KCNJ6: variants seen among roughly 807,000 people sequenced by gnomAD.
KCNJ6 encodes the protein potassium inwardly rectifying channel subfamily J member 6, also known as G protein-activated inward rectifier potassium channel 2.
KCNJ6 carries 9 observed loss-of-function variants against 34.2 expected under a neutral mutation model. The observed-to-expected ratio is 0.26, with a 90% confidence interval of 0.16 to 0.46. KCNJ6 has a LOEUF of 0.46. Ranked by LOEUF, KCNJ6 falls within the 20% of genes least tolerant of loss-of-function variation. KCNJ6 has a pLI of 1.00. For missense variants in KCNJ6, 236 were observed against 531.3 expected (o/e 0.44, Z 5.46); for synonymous variants, 196 against 207.1 (o/e 0.95, Z 0.46).
intron 1 of KCNJ6, among the ~76,000 whole-genome samples, chr21:37,907,887 C>T (rs2055849344): frequency 6.6e-6 from 1 of 152,140 alleles, no homozygotes; most frequent in African/African-American, 2.4e-5. Flanking sequence ...GGATTATATC[C>T]CTTTTAAATT....
At chr21:37,739,412 AG>A (rs1290755993) in intron 2 of KCNJ6, among the ~76,000 whole-genome samples, 1 of 152,194 alleles carries the variant, frequency 6.6e-6, no homozygotes. Context: ...TTAAGTCAGA[AG>A]AAAAGGGCTG....
rs2054282701 is a variant in KCNJ6, at chr21:37,619,210, AAGG to A, written c.*5946_*5948del. The A allele has an allele frequency of 6.6e-6, 1 of 152,184 alleles. No individual in the cohort carries two copies. The highest frequency in any genetic ancestry group is 1.9e-4 in the East Asian group (1 of 5,200). The allele number at this position is 152,184 out of a possible 1,614,324, so 9.4% of individuals were successfully genotyped here. ...TGTTTTTCCATAGAACTAAAAAGAT[AAGG>A]AACCTAGCTTGGCTGACTACCTCTG... On this transcript the variant is annotated 3_prime_UTR_variant, in exon 4 of 4. Transcript: ENST00000609713.
intron 1 of KCNJ6, among the ~76,000 whole-genome samples, chr21:37,880,987 C>G (rs188331726): frequency 2.6e-5 from 4 of 152,142 alleles, no homozygotes; most frequent in Non-Finnish European, 5.9e-5. Flanking sequence ...ACAAGAAAAG[C>G]TCAAAGGGCA....
intron 1 of KCNJ6, among the ~76,000 whole-genome samples, chr21:37,904,278 T>C (rs190409800): frequency 2.0e-5 from 3 of 152,308 alleles, no homozygotes. Flanking sequence ...GTGGCCAAGA[T>C]AACCACTTTG....
At chr21:37,847,800 G>C (rs969824339) in intron 1 of KCNJ6, among the ~76,000 whole-genome samples, 1 of 149,268 alleles carries the variant, frequency 6.7e-6, no homozygotes, top group Admixed American at 6.7e-5. Flanking sequence ...AGGAGGGGGA[G>C]AAACAGAATA....
intron 1 of KCNJ6, among the ~76,000 whole-genome samples, chr21:37,843,711 T>C (rs2055492125): frequency 6.6e-6 from 1 of 152,154 alleles, no homozygotes; most frequent in Non-Finnish European, 1.5e-5. Flanking sequence ...TCCAATGCCA[T>C]AGTGATGCAG....
chr21:37,682,183 C>T (rs1356895953), intron 3 of KCNJ6, among the ~76,000 whole-genome samples: 1 of 152,174 alleles, frequency 6.6e-6, no homozygotes, highest in Non-Finnish European at 1.5e-5. Context: ...AATAAAAAAT[C>T]ATTCCTTCCC....
intron 2 of KCNJ6, among the ~76,000 whole-genome samples, chr21:37,724,818 C>T (rs796476540): frequency 6.6e-6 from 1 of 152,064 alleles, no homozygotes; most frequent in Non-Finnish European, 1.5e-5. Flanking sequence ...TGTGGGACAA[C>T]TGATTGCCCT....
chr21:37,885,592 G>A (rs2055731409), intron 1 of KCNJ6, among the ~76,000 whole-genome samples: 1 of 152,226 alleles, frequency 6.6e-6, no homozygotes, highest in African/African-American at 2.4e-5. Context: ...AGCCCACATG[G>A]AGGGGACACG....
chr21:37,685,708 A>AAAGAATT (rs2054612107), intron 3 of KCNJ6, among the ~76,000 whole-genome samples: 1 of 136,236 alleles, frequency 7.3e-6, no homozygotes, highest in Non-Finnish European at 1.6e-5. Context: ...AAAAAAAAAA[A>AAAGAATT]TCTATCCTAT....
At chr21:37,684,024 T>C (rs777529658) in intron 3 of KCNJ6, among the ~76,000 whole-genome samples, 1 of 152,216 alleles carries the variant, frequency 6.6e-6, no homozygotes, top group Non-Finnish European at 1.5e-5. Flanking sequence ...ACTGAACTGG[T>C]CTCTAGTAAT....
chr21:37,859,531 A>ATATATATAT (rs1491433754), intron 1 of KCNJ6, among the ~76,000 whole-genome samples: 244 of 86,112 alleles, frequency 2.8e-3, no homozygotes, highest in Middle Eastern at 7.4e-3. Context: ...ATATATATAT[A>ATATATATAT]AAATACTTAA....
intron 1 of KCNJ6, among the ~76,000 whole-genome samples, chr21:37,853,087 AAAG>A (rs1416207515): frequency 6.6e-6 from 1 of 151,934 alleles, no homozygotes; most frequent in African/African-American, 2.4e-5. Context: ...AGGAGAAGAA[AAAG>A]AAGATGAGGC....
intron 1 of KCNJ6, among the ~76,000 whole-genome samples, chr21:37,900,989 T>C (rs2055814212): frequency 6.6e-6 from 1 of 152,150 alleles, no homozygotes; most frequent in Admixed American, 6.5e-5. Flanking sequence ...GTCTGTGCTA[T>C]ATTCTCCCCC....
intron 3 of KCNJ6, among the ~76,000 whole-genome samples, chr21:37,667,154 T>A (rs371679446): frequency 1.5e-4 from 6 of 39,068 alleles, no homozygotes; most frequent in South Asian, 1.5e-3. Context: ...CAATAAATAC[T>A]AAAAAAAAAA....
intron 3 of KCNJ6, among the ~76,000 whole-genome samples, chr21:37,679,174 C>G (rs1310782292): frequency 6.6e-6 from 1 of 152,162 alleles, no homozygotes; most frequent in East Asian, 1.9e-4. Flanking sequence ...ATCCTCCAGC[C>G]CCAGTCAAGC....
rs1347277587 is a variant in KCNJ6, at chr21:37,916,368, T to C, written c.-512A>G. On this transcript the variant is annotated 5_prime_UTR_variant, in exon 1 of 4. Coordinates refer to ENST00000609713, the MANE Select transcript of KCNJ6 (RefSeq NM_002240.5). Reference sequence around the variant, plus strand: ...GACCACGCAGAGAGACGTCATGAAATCCGCAGATTCAATGAATGCTACTCA... The same window carrying C: ...GACCACGCAGAGAGACGTCATGAAACCCGCAGATTCAATGAATGCTACTCA... 1.3e-5 allele frequency: 2 copies of C among 151,520 alleles called. No homozygotes were observed. Among genetic ancestry groups the C allele is most frequent in the Non-Finnish European group, 1.5e-5 (1 of 67,936 alleles). The allele number at this position is 151,520 out of a possible 1,614,324, so 9.4% of individuals were successfully genotyped here. A position where few individuals can be genotyped will look rare whatever the true frequency, so the allele number is the denominator to read the frequency against.
In KCNJ6 at chr21:37,613,602, C is replaced by T. The variant is rs922167909; in HGVS notation, c.*11557G>A. 6.6e-6 allele frequency: 1 copy of T among 151,418 alleles called. No homozygotes were observed. Among genetic ancestry groups the T allele is most frequent in the Non-Finnish European group, 1.5e-5 (1 of 67,480 alleles). The allele number at this position is 151,418 out of a possible 1,614,324, so 9.4% of individuals were successfully genotyped here. Reference sequence around the variant, plus strand: ...GTTTGGTGCTAAAAAAGTGAGCTCTCAAGCCATAAAAAGATATGAGGGAAA... The same window carrying T: ...GTTTGGTGCTAAAAAAGTGAGCTCTTAAGCCATAAAAAGATATGAGGGAAA... On this transcript the variant is annotated 3_prime_UTR_variant, in exon 4 of 4. Coordinates refer to ENST00000609713, the MANE Select transcript of KCNJ6 (RefSeq NM_002240.5).
rs78385159 is a variant in KCNJ6 at position 37,842,857 on chromosome 21, G to A, written c.-27-2148C>T. On this transcript the variant is annotated intron_variant, in intron 1 of 3. Transcript: ENST00000609713. The stretch of plus-strand genomic sequence containing the variant: ...CTCAGTGAAGTTGGTCCCAGAGCTT[G>A]TTCTGTCTCTGCGTGTCCTGTCAGT... Among the ~76,000 whole-genome samples the A allele has an allele frequency of 1.2e-4, 19 of 152,332 alleles. No homozygotes were observed. The East Asian group carries it at 3.7e-3, about 29-fold the overall frequency.
Sources: gnomAD v4.1 joint callset for allele counts (sites outside exome capture counted in the v4.1 genomes callset) on GRCh38, gnomAD v4.1.1 for gene constraint, MANE v1.5 for transcripts, NCBI Gene and HGNC (gene_info 2026-07-23, HGNC 2026-07-21) for gene names.